The following FOXP2 variants were observed in gnomAD, a reference collection of about 807,000 sequenced individuals.
The protein encoded by FOXP2 is forkhead box P2, also known as forkhead box protein P2.
Under a neutral mutation model 115.8 loss-of-function variants are expected in FOXP2, and 12 were observed. The ratio of observed to expected loss-of-function variants is 0.10; its 90% CI spans 0.07 to 0.17. FOXP2 has a LOEUF of 0.17. FOXP2 is among the 10% of genes least tolerant of loss of function. The pLI, the probability that FOXP2 is intolerant of heterozygous loss-of-function variation, is 1.00. For synonymous variants in FOXP2, 328 were observed against 297.7 expected, an observed-to-expected ratio of 1.10 and a Z score of -1.05; for missense variants, 629 against 843.5, an observed-to-expected ratio of 0.75 and a Z score of 3.15.
At chr7:114,089,037 C>A (rs1417734808) in intron 1 of FOXP2, among the ~76,000 whole-genome samples, 1 of 152,042 alleles carries the variant, frequency 6.6e-6, no homozygotes. Context: ...AGCTTTAGAG[C>A]TTTTTAAAGG....
intron 1 of FOXP2, among the ~76,000 whole-genome samples, chr7:114,140,053 C>T (rs1242013373): frequency 6.6e-6 from 1 of 152,038 alleles, no homozygotes; most frequent in Admixed American, 6.6e-5. Flanking sequence ...GTGGAGGTTG[C>T]AGTGAGCTGA....
At chr7:114,667,130 G>A (rs1442173282) in intron 16 of FOXP2, 1 of 152,002 alleles carries the variant, frequency 6.6e-6, no homozygotes, top group Non-Finnish European at 1.5e-5. Context: ...CCATAAAACT[G>A]AAACAACATG....
rs115262762 is a variant in FOXP2, at chr7:114,532,096, C to A, written c.169-2521C>A. 3.3e-3 allele frequency among the ~76,000 whole-genome samples: 506 copies of A among 151,958 alleles called. 2 individuals carry two copies. Among genetic ancestry groups the A allele is most frequent in the African/African-American group, 0.012 (481 of 41,530 alleles). ...CAGTTACTTGTTTGAGAAAGGTAGT[C>A]TAGACAGTTTCTAAGGCCTTGTCCA... On this transcript the variant is annotated intron_variant, in intron 2 of 16. Coordinates refer to ENST00000350908, the MANE Select transcript of FOXP2 (RefSeq NM_014491.4).
chr7:114,336,984 T>C (rs1797868048), intron 2 of FOXP2, among the ~76,000 whole-genome samples: 1 of 151,548 alleles, frequency 6.6e-6, no homozygotes, highest in South Asian at 2.1e-4. Context: ...GTTCTTTTAA[T>C]AATTGAATCA....
At chr7:114,343,952 G>T (rs543219773) in intron 2 of FOXP2, among the ~76,000 whole-genome samples, 5 of 151,492 alleles carry the variant, frequency 3.3e-5, no homozygotes, top group Non-Finnish European at 5.9e-5. Flanking sequence ...ACACTAGAAT[G>T]TAAGCCTCAT....
At chr7:114,642,779 A>ATAATATATATATATATAT (rs1491273950) in intron 7 of FOXP2, among the ~76,000 whole-genome samples, 156 bp downstream of exon 7, 2 of 91,172 alleles carry the variant, frequency 2.2e-5, no homozygotes, top group African/African-American at 9.7e-5. Flanking sequence ...TTTTATATAT[A>ATAATATATATATATATAT]ATATATATAT....
intron 2 of FOXP2, among the ~76,000 whole-genome samples, chr7:114,488,297 C>G (rs545299803): frequency 5.9e-5 from 9 of 152,108 alleles, no homozygotes; most frequent in Non-Finnish European, 1.0e-4. Flanking sequence ...CCAAGACTCA[C>G]GGGGATTATG....
intron 1 of FOXP2, among the ~76,000 whole-genome samples, chr7:114,186,831 T>A (rs1183117414): frequency 6.6e-6 from 1 of 152,138 alleles, no homozygotes; most frequent in Non-Finnish European, 1.5e-5. Flanking sequence ...ATCGTTTGCA[T>A]CCTCTGGAGT....
intron 2 of FOXP2, among the ~76,000 whole-genome samples, chr7:114,501,535 A>G (rs1797566039): frequency 6.6e-6 from 1 of 152,132 alleles, no homozygotes; most frequent in Non-Finnish European, 1.5e-5. Context: ...CTAAAAGGTC[A>G]TGCACACAGA....
At chr7:114,429,686 G>A (rs1794019412) in intron 2 of FOXP2, among the ~76,000 whole-genome samples, 2 of 151,520 alleles carry the variant, frequency 1.3e-5, no homozygotes, top group South Asian at 4.1e-4. Context: ...CTTTCTGAAT[G>A]TTTTATGAGA....
rs113438195 is a variant in FOXP2, at chr7:114,118,970, A to G, written c.-247+31132A>G. The stretch of plus-strand genomic sequence containing the variant: ...GTTGTTCTGGCTCTTTAGAGCCACA[A>G]TTCTCAAAGTGGTTGGCCACCTTAT... On this transcript the variant is annotated intron_variant, in intron 1 of 19. Coordinates refer to the FOXP2 transcript ENST00000635638. Among the ~76,000 whole-genome samples, 257 of 152,286 alleles carry G rather than the reference A, an allele frequency of 1.7e-3. 1 individual carries two copies. Among genetic ancestry groups the G allele is most frequent in the African/African-American group, 5.7e-3 (236 of 41,578 alleles).
chr7:114,212,147 C>A (rs1361090152), intron 1 of FOXP2, among the ~76,000 whole-genome samples: 3 of 147,098 alleles, frequency 2.0e-5, no homozygotes, highest in African/African-American at 2.5e-5. Context: ...TCTTTGTTTC[C>A]TTCTGCAAAG....
chr7:114,498,782 G>A, intron 2 of FOXP2: 1 of 705,334 alleles, frequency 1.4e-6, no homozygotes, highest in African/African-American at 1.8e-5. Context: ...GGCATACTTT[G>A]CAAATAATTT....
At chr7:114,097,844 C>A (rs555358177) in intron 1 of FOXP2, among the ~76,000 whole-genome samples, 1 of 152,338 alleles carries the variant, frequency 6.6e-6, no homozygotes, top group East Asian at 1.9e-4. Context: ...TAATAATGTT[C>A]TTTCACTTAT....
chr7:114,652,518 C>A (rs921145649), intron 9 of FOXP2, among the ~76,000 whole-genome samples: 1 of 152,028 alleles, frequency 6.6e-6, no homozygotes, highest in Non-Finnish European at 1.5e-5. Context: ...AACTTTTAGA[C>A]CACATCATAT....
intron 1 of FOXP2, among the ~76,000 whole-genome samples, chr7:114,111,674 A>T (rs1791270927): frequency 6.6e-6 from 1 of 152,006 alleles, no homozygotes; most frequent in Admixed American, 6.6e-5. Flanking sequence ...TTTAATAGTA[A>T]TTTTTCACAA....
At chr7:114,521,258 A>G (rs1177175040) in intron 2 of FOXP2, among the ~76,000 whole-genome samples, 1 of 152,146 alleles carries the variant, frequency 6.6e-6, no homozygotes, top group Admixed American at 6.5e-5. Flanking sequence ...CACTACTTGG[A>G]TTTTTATGTA....
chr7:114,680,684 G>A (rs772683875), intron 16 of FOXP2, among the ~76,000 whole-genome samples: 25 of 151,670 alleles, frequency 1.6e-4, no homozygotes, highest in Non-Finnish European at 3.4e-4. Context: ...GGCGGAGGTT[G>A]CAGTGAGCCG....
At chr7:114,233,773 G>A (rs971138814) in intron 1 of FOXP2, among the ~76,000 whole-genome samples, 12 of 152,226 alleles carry the variant, frequency 7.9e-5, no homozygotes, top group Non-Finnish European at 1.0e-4. Context: ...AACACTTTGG[G>A]TGGCTGAGGC....
Sources: allele counts gnomAD v4.1 joint callset (sites outside exome capture counted in the v4.1 genomes callset), GRCh38; gene constraint gnomAD v4.1.1; transcripts MANE v1.5; gene names NCBI Gene and HGNC (gene_info 2026-07-23, HGNC 2026-07-21).